CTNNA3: variants seen among roughly 807,000 people sequenced by gnomAD.
CTNNA3 encodes the protein catenin alpha-3.
CTNNA3 carries 76 observed loss-of-function variants against 95.7 expected under a neutral mutation model. The observed-to-expected ratio is 0.79, with a 90% CI of 0.66 to 0.96. CTNNA3 has a LOEUF of 0.96. Among genes scored for constraint, CTNNA3 ranks in the 40% least tolerant of loss-of-function variants. The probability of loss-of-function intolerance (pLI) is 0.00; values close to 1 mark genes in which losing one functional copy is unlikely to be tolerated. For synonymous variants in CTNNA3, 431 were observed against 374.4 expected (o/e 1.15, Z -1.74); for missense variants, 1,191 against 1,089.8 (o/e 1.09, Z -1.31).
intron 7 of CTNNA3, among the ~76,000 whole-genome samples, chr10:66,815,685 T>C (rs1227448435): frequency 6.6e-6 from 1 of 152,086 alleles, no homozygotes; most frequent in African/African-American, 2.4e-5. Flanking sequence ...AGCTTGTAAA[T>C]AAAAGTTTGG....
At position 65,920,354 on chromosome 10, in the gene CTNNA3, T is replaced by A; in HGVS notation, c.2664A>T (p.Glu888Asp). The A allele has an allele frequency of 6.2e-7, 1 of 1,613,800 alleles. No individual in the cohort carries two copies. The highest frequency in any genetic ancestry group is 8.5e-7 in the Non-Finnish European group (1 of 1,179,948). Residue 888 changes from glutamate (E) to aspartate (D), a missense_variant, in exon 18 of 18, where the codon GAA (glutamate) becomes GAT (aspartate). Glu to Asp is a conservative substitution (Grantham distance 45). Coordinates refer to ENST00000433211, the MANE Select transcript of CTNNA3 (RefSeq NM_013266.4). The part of the protein sequence containing the change: ...KKIHPLQVMS[E>D]FRGRQIY The stretch of plus-strand genomic sequence containing the variant: ...TTCAGTAGATTTGTCTTCCTCTAAA[T>A]TCACTCATGACTTGCAATGGATGGA...
chr10:67,080,052 T>C (rs1856970852), intron 7 of CTNNA3, among the ~76,000 whole-genome samples: 2 of 152,128 alleles, frequency 1.3e-5, no homozygotes, highest in South Asian at 4.1e-4. Context: ...GCATGCAGAA[T>C]TTAACCTGCC....
intron 7 of CTNNA3, among the ~76,000 whole-genome samples, chr10:67,169,434 G>A (rs895707811): frequency 1.1e-4 from 17 of 151,702 alleles, no homozygotes; most frequent in South Asian, 2.1e-4. Flanking sequence ...AAAAAGACAC[G>A]TAGACCAGTG....
At chr10:67,465,086 T>C (rs1909664) in intron 5 of CTNNA3, among the ~76,000 whole-genome samples, 6,815 of 146,576 alleles carry the variant, frequency 0.046, 318 homozygotes, top group African/African-American at 0.11. Flanking sequence ...GCATTTTAGT[T>C]TCAAGCTGGA....
At chr10:66,208,367 T>G (rs1006265584) in intron 13 of CTNNA3, among the ~76,000 whole-genome samples, 1 of 152,018 alleles carries the variant, frequency 6.6e-6, no homozygotes, top group African/African-American at 2.4e-5. Context: ...GATTTTAGCA[T>G]CATTTTAGCA....
chr10:67,260,082 T>C (rs1264745948), intron 5 of CTNNA3, among the ~76,000 whole-genome samples: 3 of 152,230 alleles, frequency 2.0e-5, no homozygotes, highest in Admixed American at 6.5e-5. Context: ...CTCAGCTTAT[T>C]TTATATACAT....
intron 9 of CTNNA3, among the ~76,000 whole-genome samples, chr10:66,661,852 G>A (rs533779587): frequency 2.2e-4 from 33 of 152,206 alleles, no homozygotes; most frequent in African/African-American, 7.5e-4. Flanking sequence ...AGATTTAAGT[G>A]CCTCAACATT....
rs563940458 is a variant in CTNNA3, at chr10:66,630,788, G to A, written c.1282-9004C>T. On this transcript the variant is annotated intron_variant, in intron 9 of 17. Coordinates refer to ENST00000433211, the MANE Select transcript of CTNNA3 (RefSeq NM_013266.4). Reference sequence around the variant, plus strand: ...TAATAAGAAATGATTATGAATTATGGGTTCTGTAGAATATTTAACTAATAT... The same window carrying A: ...TAATAAGAAATGATTATGAATTATGAGTTCTGTAGAATATTTAACTAATAT... Among the ~76,000 whole-genome samples, 137 of 152,188 alleles carry A rather than the reference G, an allele frequency of 9.0e-4. 1 individual carries two copies. Among genetic ancestry groups the A allele is most frequent in the African/African-American group, 3.3e-3 (136 of 41,526 alleles).
chr10:67,636,208 G>C (rs1033800604), intron 2 of CTNNA3, among the ~76,000 whole-genome samples: 1 of 152,158 alleles, frequency 6.6e-6, no homozygotes. Context: ...CTCATGGATA[G>C]GAAGAATCAA....
intron 3 of CTNNA3, among the ~76,000 whole-genome samples, chr10:67,570,158 C>T (rs536607633): frequency 9.2e-5 from 14 of 151,992 alleles, no homozygotes; most frequent in African/African-American, 3.4e-4. Context: ...GTGCTGCATT[C>T]GACATTTATT....
chr10:66,589,408 C>T (rs1044058445), intron 10 of CTNNA3, among the ~76,000 whole-genome samples: 1 of 152,068 alleles, frequency 6.6e-6, no homozygotes, highest in African/African-American at 2.4e-5. Context: ...TCAGTACCTG[C>T]CCCTACCCCA....
intron 15 of CTNNA3, among the ~76,000 whole-genome samples, chr10:66,064,654 A>G (rs1683311933): frequency 6.6e-6 from 1 of 152,152 alleles, no homozygotes; most frequent in African/African-American, 2.4e-5. Context: ...CTTTTCTAAG[A>G]GTCTTAGTCC....
At chr10:66,505,974 C>T (rs1399952099) in intron 11 of CTNNA3, among the ~76,000 whole-genome samples, 1 of 152,094 alleles carries the variant, frequency 6.6e-6, no homozygotes, top group Non-Finnish European at 1.5e-5. Context: ...ATTCTGCAGA[C>T]TGTATAAGAA....
intron 7 of CTNNA3, among the ~76,000 whole-genome samples, chr10:67,032,239 T>A (rs549976581): frequency 1.3e-5 from 2 of 152,284 alleles, no homozygotes; most frequent in South Asian, 4.1e-4. Flanking sequence ...ACTCCAGAAC[T>A]GACATTTTTT....
intron 11 of CTNNA3, among the ~76,000 whole-genome samples, chr10:66,420,839 A>AAATAAAT (rs147665115): frequency 0.081 from 6,210 of 76,618 alleles, 159 homozygotes; most frequent in African/African-American, 0.09. Flanking sequence ...ATAAATAAAT[A>AAATAAAT]AAAAACAATA....
At chr10:67,334,541 G>C (rs1255529974) in intron 5 of CTNNA3, 1 of 152,558 alleles carries the variant, frequency 6.6e-6, no homozygotes, top group Non-Finnish European at 1.5e-5. Context: ...AAACAAGAAG[G>C]CTCAGATGGT....
At chr10:66,847,523 T>TTGAG (rs1013977972) in intron 7 of CTNNA3, among the ~76,000 whole-genome samples, 1 of 152,212 alleles carries the variant, frequency 6.6e-6, no homozygotes, top group African/African-American at 2.4e-5. Flanking sequence ...GTTTGATCTT[T>TTGAG]TGAGTTCCTT....
rs1846085091 is a variant in CTNNA3, at chr10:67,430,819, C to CACACACA, written c.579+91022_579+91023insTGTGTGT. 1.4e-4 allele frequency among the ~76,000 whole-genome samples: 4 copies of CACACACA among 28,614 alleles called. No individual in the cohort carries two copies. In the Admixed American group the frequency reaches 1.8e-3, roughly 13 times the overall value. 18.8% of individuals were successfully genotyped at this position (28,614 alleles called of 152,430 possible). A position where few individuals can be genotyped will look rare whatever the true frequency, so the allele number is the denominator to read the frequency against. On this transcript the variant is annotated intron_variant, in intron 5 of 17. Coordinates refer to ENST00000433211, the MANE Select transcript of CTNNA3 (RefSeq NM_013266.4). ...ATGAATGAGCATGACTCAAACATAA[C>CACACACA]TACACACACACACACACACACACAC...
At chr10:67,199,456 G>A (rs12243996) in intron 6 of CTNNA3, among the ~76,000 whole-genome samples, 3,200 of 151,984 alleles carry the variant, frequency 0.021, 85 homozygotes, top group African/African-American at 0.07. Context: ...TGCAACCTCC[G>A]CCTCCCGAGT....
Sources: allele counts gnomAD v4.1 joint callset (sites outside exome capture counted in the v4.1 genomes callset), GRCh38; gene constraint gnomAD v4.1.1; transcripts MANE v1.5; gene names NCBI Gene and HGNC (gene_info 2026-07-23, HGNC 2026-07-21).